Variants in MYO9A observed in about 807,000 individuals in gnomAD.
The protein encoded by MYO9A is unconventional myosin-IXa.
MYO9A carries 103 observed loss-of-function variants against 293.3 expected under a neutral mutation model. The observed-to-expected ratio is 0.35, with a 90% CI of 0.30 to 0.41. The LOEUF (loss-of-function observed/expected upper bound fraction) is 0.41, where lower values mean the gene tolerates loss of function less well. MYO9A is among the 10% of genes least tolerant of loss of function. The pLI, the probability that MYO9A is intolerant of heterozygous loss-of-function variation, is 1.00. For synonymous variants in MYO9A, 1,001 were observed against 1,035.7 expected, an observed-to-expected ratio of 0.97 and a Z score of 0.64; for missense variants, 2,685 against 3,033.0, an observed-to-expected ratio of 0.89 and a Z score of 2.69.
At position 72,037,741 on chromosome 15, in the gene MYO9A, T is replaced by G. The variant is rs2078100497; in HGVS notation, c.841-5153A>C. 2.0e-5 allele frequency among the ~76,000 whole-genome samples: 3 copies of G among 152,138 alleles called. No homozygotes were observed. The South Asian group carries it at 6.2e-4, about 32-fold the overall frequency. On this transcript the variant is annotated intron_variant, in intron 2 of 41. Coordinates refer to ENST00000356056, the MANE Select transcript of MYO9A (RefSeq NM_006901.4). ...CACAAACCTTGGGAAAATCTCATTT[T>G]GAGGTGCCACATCATTATTATTATT... is the stretch of plus-strand genomic sequence containing the variant.
At chr15:71,992,137 A>T (rs899422356) in intron 10 of MYO9A, among the ~76,000 whole-genome samples, 1 of 152,198 alleles carries the variant, frequency 6.6e-6, no homozygotes, top group Non-Finnish European at 1.5e-5. Flanking sequence ...TGCTAAAAGG[A>T]TTACAACAAA....
intron 1 of MYO9A, among the ~76,000 whole-genome samples, chr15:72,090,946 G>A (rs1184590830): frequency 6.7e-6 from 1 of 150,010 alleles, no homozygotes; most frequent in Non-Finnish European, 1.5e-5. Flanking sequence ...AAAACCACTT[G>A]AGCCCACGAG....
intron 18 of MYO9A, among the ~76,000 whole-genome samples, chr15:71,919,333 C>T (rs1329642136): frequency 5.3e-5 from 8 of 151,804 alleles, no homozygotes; most frequent in South Asian, 2.1e-4. Context: ...CCTAGCTATT[C>T]GGGAGGTGGA....
intron 2 of MYO9A, among the ~76,000 whole-genome samples, chr15:72,037,042 C>CA (rs34386792): frequency 0.21 from 30,681 of 147,502 alleles, 3,296 homozygotes; most frequent in East Asian, 0.41. Context: ...CCTCATCCTA[C>CA]TTTTTTTTTT....
intron 18 of MYO9A, among the ~76,000 whole-genome samples, chr15:71,922,506 ACATT>A (rs149441248): frequency 3.2e-4 from 48 of 152,302 alleles, no homozygotes; most frequent in Non-Finnish European, 6.0e-4. Context: ...AATATATAAT[ACATT>A]ATTATGAACC....
At chr15:71,932,284 A>C (rs1301670491) in intron 18 of MYO9A, among the ~76,000 whole-genome samples, 1 of 152,106 alleles carries the variant, frequency 6.6e-6, no homozygotes, top group African/African-American at 2.4e-5. Context: ...AAGTGGGCCC[A>C]CTGAATGCCC....
At chr15:71,946,299 T>C (rs111523513) in intron 15 of MYO9A, among the ~76,000 whole-genome samples, 1 of 152,192 alleles carries the variant, frequency 6.6e-6, no homozygotes, top group African/African-American at 2.4e-5. Context: ...AAATTACTAA[T>C]GAGCCTATCT....
At chr15:71,999,571 C>T (rs528034474) in intron 9 of MYO9A, among the ~76,000 whole-genome samples, 1 of 152,052 alleles carries the variant, frequency 6.6e-6, no homozygotes, top group Non-Finnish European at 1.5e-5. Context: ...TATAATTCTA[C>T]CTACCATCTA....
chr15:71,988,014 T>C (rs2076448192), intron 11 of MYO9A, among the ~76,000 whole-genome samples: 1 of 152,184 alleles, frequency 6.6e-6, no homozygotes, highest in South Asian at 2.1e-4. Context: ...ATATAATACG[T>C]TTATGGCCAA....
intron 8 of MYO9A, among the ~76,000 whole-genome samples, chr15:72,000,521 T>G (rs2076832789): frequency 6.6e-6 from 1 of 152,250 alleles, no homozygotes; most frequent in Admixed American, 6.5e-5. Flanking sequence ...TTTCTACACT[T>G]TTACATGTAT....
intron 1 of MYO9A, among the ~76,000 whole-genome samples, chr15:72,111,382 G>A (rs1417238800): frequency 6.6e-6 from 1 of 150,802 alleles, no homozygotes; most frequent in Non-Finnish European, 1.5e-5. Flanking sequence ...CCAGCTACTC[G>A]GGAGGCTGAG....
At chr15:71,991,737 T>C (rs2076546961) in intron 10 of MYO9A, among the ~76,000 whole-genome samples, 1 of 152,214 alleles carries the variant, frequency 6.6e-6, no homozygotes, top group Non-Finnish European at 1.5e-5. Context: ...TGAGTGAAAC[T>C]AGATGTCAGA....
At chr15:71,847,889 C>CTTAT (rs1275079561) in intron 39 of MYO9A, among the ~76,000 whole-genome samples, 1 of 152,140 alleles carries the variant, frequency 6.6e-6, no homozygotes, top group Non-Finnish European at 1.5e-5. Context: ...TTGTTAAGCA[C>CTTAT]TTATTCTGTG....
At chr15:71,963,649 T>C (rs894993337) in intron 13 of MYO9A, among the ~76,000 whole-genome samples, 1 of 151,574 alleles carries the variant, frequency 6.6e-6, no homozygotes, top group Admixed American at 6.6e-5. Context: ...ACAGGGTTTC[T>C]TCATGTTGAT....
Position 71,830,257 on chromosome 15 carries a change from C to A in MYO9A, c.6892G>T (p.Val2298Phe), listed in dbSNP as rs200952514. ...NYPGPSSPVV[V>F]RLPSVSDVSE... ...ACATCAGACACAGAAGGCAACCGAA[C>A]TACAACAGGAGACGATGGACCTGGA... is the stretch of plus-strand genomic sequence containing the variant. Residue 2298 changes from valine (V) to phenylalanine (F), a missense_variant, in exon 40 of 42, where the codon GTT becomes TTT. This residue lies in a region of MYO9A where 350 missense variants were observed against 328.9 expected (regional missense o/e 1.06). Coordinates refer to ENST00000356056, the MANE Select transcript of MYO9A (RefSeq NM_006901.4). The A allele has an allele frequency of 6.8e-6, 11 of 1,614,088 alleles. No homozygotes were observed. The African/African-American group carries it at 1.5e-4, about 22-fold the overall frequency.
intron 1 of MYO9A, chr15:72,114,226 G>T (rs2080885127): frequency 6.6e-6 from 1 of 152,128 alleles, no homozygotes; most frequent in African/African-American, 2.4e-5. Context: ...CCCTCCAAGT[G>T]AAAGAGCCTG....
intron 3 of MYO9A, among the ~76,000 whole-genome samples, chr15:72,029,277 A>AC (rs1339326216): frequency 6.6e-6 from 1 of 152,242 alleles, no homozygotes; most frequent in Non-Finnish European, 1.5e-5. Context: ...TCACTTAACT[A>AC]CAGAGGTACA....
rs190830104 is a variant in MYO9A at position 71,868,121 on chromosome 15, G to A, written c.5980-5510C>T. On this transcript the variant is annotated intron_variant, in intron 32 of 41. Transcript: ENST00000356056. Reference sequence around the variant, plus strand: ...TAAAATCAGATATTGACAAGGGCGTGTGCCCTTCTGGATGCTCTGTGGAAC... The same window carrying A: ...TAAAATCAGATATTGACAAGGGCGTATGCCCTTCTGGATGCTCTGTGGAAC... Among the ~76,000 whole-genome samples, 230 of 152,308 alleles carry A rather than the reference G, an allele frequency of 1.5e-3. 1 individual carries two copies. Among genetic ancestry groups the A allele is most frequent in the African/African-American group, 5.4e-3 (224 of 41,568 alleles).
intron 32 of MYO9A, among the ~76,000 whole-genome samples, chr15:71,871,019 C>T (rs186719239): frequency 6.6e-6 from 1 of 152,188 alleles, no homozygotes; most frequent in East Asian, 1.9e-4. Context: ...GTCCATAACT[C>T]GATCTTGAGA....
Sources: gnomAD v4.1 joint callset for allele counts (sites outside exome capture counted in the v4.1 genomes callset) on GRCh38, gnomAD v4.1.1 for gene constraint, gnomAD v4.1.1 regional missense constraint, MANE v1.5 for transcripts, NCBI Gene and HGNC (gene_info 2026-07-23, HGNC 2026-07-21) for gene names.